Variants in THADA observed in about 807,000 individuals in gnomAD.
THADA encodes the protein tRNA (32-2'-O)-methyltransferase regulator THADA.
A neutral mutation model predicts 219.8 loss-of-function variants in THADA; 213 were observed. The ratio of observed to expected loss-of-function variants is 0.97; its 90% confidence interval spans 0.87 to 1.09. The LOEUF is 1.09. Ranked by LOEUF, THADA falls within the 50% of genes least tolerant of loss-of-function variation. The pLI is 0.00. For missense variants in THADA, 2,956 were observed against 2,311.3 expected (o/e 1.28, Z -5.72); for synonymous variants, 1,018 against 828.9 (o/e 1.23, Z -3.92).
chr2:43,574,323 G>A lies in THADA; in HGVS notation c.1729+13C>T. 4 of 1,507,332 alleles carry A rather than the reference G, an allele frequency of 2.7e-6. No individual in the cohort carries two copies. Among genetic ancestry groups the A allele is most frequent in the Non-Finnish European group, 3.5e-6 (4 of 1,129,268 alleles). 93.4% of individuals were successfully genotyped at this position (1,507,332 alleles called of 1,614,324 possible). A position where few individuals can be genotyped will look rare whatever the true frequency, so the allele number is the denominator to read the frequency against. Reference sequence around the variant, plus strand: ...AATTAGAAACTACTAAAACAAAAATGCATTTTTCTTACCAGTTTTAGCATC... The same window carrying A: ...AATTAGAAACTACTAAAACAAAAATACATTTTTCTTACCAGTTTTAGCATC... On this transcript the variant is annotated intron_variant, in intron 11 of 37. Transcript: ENST00000405975.
intron 36 of THADA, among the ~76,000 whole-genome samples, chr2:43,274,069 T>C (rs558036995): frequency 2.0e-4 from 31 of 152,224 alleles, no homozygotes; most frequent in Non-Finnish European, 7.4e-5. Flanking sequence ...CTAAACACCA[T>C]TGTTATTCCA....
chr2:43,326,443 C>T (rs1036918891), intron 30 of THADA, among the ~76,000 whole-genome samples: 4 of 151,874 alleles, frequency 2.6e-5, no homozygotes, highest in African/African-American at 4.8e-5. Context: ...GTATGGGGGG[C>T]GGGAATTGGA....
intron 36 of THADA, among the ~76,000 whole-genome samples, chr2:43,264,023 A>G (rs1195108064): frequency 2.0e-5 from 3 of 152,098 alleles, no homozygotes; most frequent in African/African-American, 7.2e-5. Flanking sequence ...GACTGAAATT[A>G]TTTTCCTCCA....
intron 26 of THADA, among the ~76,000 whole-genome samples, chr2:43,449,319 G>C (rs992579262): frequency 1.3e-5 from 2 of 151,970 alleles, no homozygotes; most frequent in African/African-American, 4.8e-5. Flanking sequence ...TAAGTCCAAG[G>C]GACCTGTGGA....
intron 31 of THADA, among the ~76,000 whole-genome samples, chr2:43,301,756 T>C (rs909722827): frequency 5.9e-5 from 9 of 152,148 alleles, no homozygotes; most frequent in African/African-American, 2.2e-4. Context: ...GCAGTCTAGT[T>C]TTAAAGTGAC....
intron 25 of THADA, among the ~76,000 whole-genome samples, chr2:43,496,463 G>A (rs1054049579): frequency 3.3e-5 from 5 of 152,046 alleles, no homozygotes; most frequent in African/African-American, 9.7e-5. Flanking sequence ...CGAGTGTCTC[G>A]TTTTTTCAAA....
At chr2:43,419,404 T>C (rs1442810183) in intron 28 of THADA, among the ~76,000 whole-genome samples, 2 of 152,200 alleles carry the variant, frequency 1.3e-5, no homozygotes, top group African/African-American at 4.8e-5. Context: ...CATGTGTAGC[T>C]TGTTTTTACT....
At chr2:43,266,330 G>A (rs1458034158) in intron 36 of THADA, among the ~76,000 whole-genome samples, 1 of 152,216 alleles carries the variant, frequency 6.6e-6, no homozygotes, top group Admixed American at 6.5e-5. Flanking sequence ...GGTGGCTCAC[G>A]CCTGTGATCC....
intron 30 of THADA, among the ~76,000 whole-genome samples, chr2:43,329,491 T>A (rs957365405): frequency 6.6e-6 from 1 of 152,136 alleles, no homozygotes; most frequent in Non-Finnish European, 1.5e-5. Context: ...CTGGTAAAAA[T>A]AGTACGAATG....
Position 43,420,016 on chromosome 2 carries a change from A to G in THADA, c.4058+8084T>C, listed in dbSNP as rs966708332. ...AGCAAAGCTCTTTATGATGCCTTCC[A>G]AGTTATGAATCATAAAACTCTCCAT... On this transcript the variant is annotated intron_variant, in intron 28 of 37. Coordinates refer to ENST00000405975, the MANE Select transcript of THADA (RefSeq NM_022065.5). Among the ~76,000 whole-genome samples the G allele has an allele frequency of 6.6e-5, 10 of 152,342 alleles. 1 individual carries two copies. The East Asian group carries it at 1.9e-3, about 29-fold the overall frequency.
intron 26 of THADA, among the ~76,000 whole-genome samples, chr2:43,441,393 A>G (rs1680823894): frequency 6.6e-6 from 1 of 152,228 alleles, no homozygotes; most frequent in African/African-American, 2.4e-5. Context: ...AAAAGCTAGT[A>G]AAGACTTGGT....
chr2:43,337,036 A>G (rs1158269007), intron 30 of THADA, among the ~76,000 whole-genome samples: 1 of 152,204 alleles, frequency 6.6e-6, no homozygotes, highest in East Asian at 1.9e-4. Flanking sequence ...AAATTTCCTC[A>G]GTTTAAAATG....
intron 36 of THADA, among the ~76,000 whole-genome samples, chr2:43,266,627 T>G (rs13402840): frequency 0.01 from 1,546 of 152,046 alleles, 31 homozygotes; most frequent in African/African-American, 0.036. Context: ...AAAAACAACA[T>G]GATCCACTCT....
intron 10 of THADA, 95 bp from the exon 11 acceptor site, chr2:43,575,122 C>A (rs970175): frequency 1 from 958,306 of 958,822 alleles, 478,895 homozygotes; most frequent in Middle Eastern, 1. Context: ...ATTAAATACA[C>A]AGAATGACCA....
intron 29 of THADA, among the ~76,000 whole-genome samples, chr2:43,397,353 T>A (rs1283631121): frequency 1.3e-5 from 2 of 152,180 alleles, no homozygotes; most frequent in Non-Finnish European, 2.9e-5. Flanking sequence ...GTCCTCAAGT[T>A]AGGGTTGAAA....
intron 31 of THADA, among the ~76,000 whole-genome samples, chr2:43,305,977 C>T (rs1676814553): frequency 7.6e-6 from 1 of 131,412 alleles, no homozygotes; most frequent in African/African-American, 2.8e-5. Context: ...TCCCTTCTCT[C>T]TCTCTCTCTC....
intron 29 of THADA, among the ~76,000 whole-genome samples, chr2:43,359,900 A>C (rs1669309933): frequency 6.6e-6 from 1 of 151,688 alleles, no homozygotes; most frequent in East Asian, 1.9e-4. Context: ...TTGGGACTAC[A>C]GGCATGTGCT....
rs778331517 is a variant in THADA, at chr2:43,574,432, C to T, written c.1633G>A (p.Val545Met). Residue 545 changes from valine to methionine, a missense_variant, in exon 11 of 38, where the codon GTG (valine) becomes ATG (methionine). By Grantham distance (21) the Val-to-Met change is conservative (BLOSUM62 1). Transcript: ENST00000405975. ...AATTTTGGCAAGTAATAATCAATCACGTAAGATTTTTGATCCAAGTTTCCT... is the reference window on the plus strand; with the variant it reads ...AATTTTGGCAAGTAATAATCAATCATGTAAGATTTTTGATCCAAGTTTCCT... ...CEGNLDQKSY[V>M]IDYYLPKLLS... 7.1e-5 allele frequency: 115 copies of T among 1,611,850 alleles called. No homozygotes were observed. The highest frequency in any genetic ancestry group is 1.3e-4 in the East Asian group (6 of 44,892).
chr2:43,430,447 GA>G (rs1679091500), intron 26 of THADA, 145 bp from the exon 27 acceptor site: 2 of 574,034 alleles, frequency 3.5e-6, no homozygotes. Context: ...AGCATCTTAA[GA>G]ATTTAACAAT....
Sources: gnomAD v4.1 joint callset for allele counts (sites outside exome capture counted in the v4.1 genomes callset) on GRCh38, gnomAD v4.1.1 for gene constraint, MANE v1.5 for transcripts, NCBI Gene and HGNC (gene_info 2026-07-23, HGNC 2026-07-21) for gene names.